Variants in ARHGAP12 observed in about 807,000 individuals in gnomAD.
The protein encoded by ARHGAP12 is Rho GTPase activating protein 12.
ARHGAP12 carries 64 observed loss-of-function variants against 108.6 expected under a neutral mutation model. The ratio of observed to expected loss-of-function variants is 0.59; its 90% CI spans 0.48 to 0.73. ARHGAP12 has a LOEUF of 0.73. Ranked by LOEUF, ARHGAP12 falls within the 30% of genes least tolerant of loss-of-function variation. The probability of loss-of-function intolerance (pLI) is 0.00; values close to 1 mark genes in which losing one functional copy is unlikely to be tolerated. For synonymous variants in ARHGAP12, 312 were observed against 337.2 expected (o/e 0.93, Z 0.82); for missense variants, 940 against 1,005.9 (o/e 0.93, Z 0.89).
At chr10:31,917,895 C>T (rs927679552) in intron 1 of ARHGAP12, among the ~76,000 whole-genome samples, 1 of 152,044 alleles carries the variant, frequency 6.6e-6, no homozygotes, top group Non-Finnish European at 1.5e-5. Flanking sequence ...TCCCAACTTG[C>T]AATGGTTCCA....
chr10:31,839,269 T>C, intron 9 of ARHGAP12, 36 bp downstream of exon 9: 4 of 1,591,584 alleles, frequency 2.5e-6, no homozygotes, highest in Non-Finnish European at 3.4e-6. Flanking sequence ...AATGAAGGTG[T>C]CTATGCCTAT....
intron 12 of ARHGAP12, among the ~76,000 whole-genome samples, chr10:31,818,404 T>A (rs947647488): frequency 6.6e-6 from 1 of 152,170 alleles, no homozygotes; most frequent in Non-Finnish European, 1.5e-5. Flanking sequence ...CACACCCCTT[T>A]TGGGCGGAAG....
intron 4 of ARHGAP12, among the ~76,000 whole-genome samples, chr10:31,859,930 G>A (rs1435344385): frequency 2.0e-5 from 3 of 151,874 alleles, no homozygotes; most frequent in African/African-American, 7.3e-5. Context: ...AAGTAGCTGG[G>A]ATTACAGGTG....
intron 6 of ARHGAP12, among the ~76,000 whole-genome samples, chr10:31,850,781 AGCTAT>A (rs986287351): frequency 6.6e-6 from 1 of 152,154 alleles, no homozygotes; most frequent in Admixed American, 6.5e-5. Context: ...ACAACTGCTA[AGCTAT>A]GGTTCTTCAG....
At chr10:31,875,879 T>C (rs1471682899) in intron 3 of ARHGAP12, among the ~76,000 whole-genome samples, 1 of 152,206 alleles carries the variant, frequency 6.6e-6, no homozygotes, top group East Asian at 1.9e-4. Context: ...ACCACCATTC[T>C]ACTTTCTGTC....
chr10:31,846,964 T>C (rs1019330641), intron 6 of ARHGAP12, among the ~76,000 whole-genome samples: 1 of 148,932 alleles, frequency 6.7e-6, no homozygotes, highest in African/African-American at 2.5e-5. Context: ...AAATAATTTC[T>C]ACTAACCTAT....
intron 12 of ARHGAP12, among the ~76,000 whole-genome samples, chr10:31,818,515 T>TA (rs1351013763): frequency 5.3e-5 from 8 of 152,174 alleles, no homozygotes; most frequent in African/African-American, 1.9e-4. Flanking sequence ...TGTTTTGCAG[T>TA]TTCTTAAACT....
intron 7 of ARHGAP12, among the ~76,000 whole-genome samples, chr10:31,841,496 C>T (rs1836265849): frequency 6.6e-6 from 1 of 152,130 alleles, no homozygotes; most frequent in Non-Finnish European, 1.5e-5. Context: ...CATGATGCTG[C>T]ACAGAGGCAT....
intron 1 of ARHGAP12, among the ~76,000 whole-genome samples, chr10:31,924,615 C>T (rs2132508303): frequency 6.6e-6 from 1 of 152,198 alleles, no homozygotes; most frequent in African/African-American, 2.4e-5. Flanking sequence ...GTACATTACA[C>T]TTTAATAAAA....
intron 1 of ARHGAP12, among the ~76,000 whole-genome samples, chr10:31,927,219 T>C (rs1395068537): frequency 4.9e-5 from 2 of 40,934 alleles, no homozygotes; most frequent in East Asian, 4.7e-4. Flanking sequence ...CTCTGAAACG[T>C]TTCCAAGGCA....
Position 31,838,275 on chromosome 10 carries a change from T to C in ARHGAP12, c.1386+1030A>G, listed in dbSNP as rs1009200871. Among the ~76,000 whole-genome samples, 5 of 151,928 alleles carry C rather than the reference T, an allele frequency of 3.3e-5. No homozygotes were observed. The East Asian group carries it at 5.8e-4, about 18-fold the overall frequency. On this transcript the variant is annotated intron_variant, in intron 9 of 19. Transcript: ENST00000344936. ...AGGAACTGAGAGAAGGGTGGTGTGG[T>C]AGGACAACAAGCAAGAAGGGAAAAG...
At chr10:31,897,905 C>G (rs889120306) in intron 3 of ARHGAP12, among the ~76,000 whole-genome samples, 3 of 152,150 alleles carry the variant, frequency 2.0e-5, no homozygotes, top group South Asian at 4.1e-4. Flanking sequence ...GCAGGCAGAT[C>G]GCTTGCGCCC....
At chr10:31,905,219 G>A (rs914956921) in intron 3 of ARHGAP12, among the ~76,000 whole-genome samples, 2 of 151,944 alleles carry the variant, frequency 1.3e-5, no homozygotes, top group Non-Finnish European at 2.9e-5. Flanking sequence ...AATCTTGTTG[G>A]CTGTGATAAT....
At chr10:31,869,444 G>T (rs1327595505) in intron 3 of ARHGAP12, among the ~76,000 whole-genome samples, 1 of 152,090 alleles carries the variant, frequency 6.6e-6, no homozygotes, top group East Asian at 1.9e-4. Context: ...GGCTGAGGCA[G>T]GAGAATTGCG....
chr10:31,848,357 G>C (rs1254540599), intron 6 of ARHGAP12, among the ~76,000 whole-genome samples: 1 of 152,122 alleles, frequency 6.6e-6, no homozygotes, highest in Non-Finnish European at 1.5e-5. Flanking sequence ...TTGACATGTT[G>C]ATTTATTTTT....
chr10:31,820,655 T>C (rs1038792458), intron 11 of ARHGAP12, among the ~76,000 whole-genome samples, 167 bp from the exon 12 acceptor site: 18 of 150,900 alleles, frequency 1.2e-4, no homozygotes, highest in Non-Finnish European at 1.2e-4. Context: ...TTGAAAAATA[T>C]CTAGAATATA....
rs115864851 is a variant in ARHGAP12 at position 31,877,526 on chromosome 10, T to C, written c.685-15868A>G. Among the ~76,000 whole-genome samples, 1,269 of 152,316 alleles carry C rather than the reference T, an allele frequency of 8.3e-3. 13 individuals are homozygous for C. The highest frequency in any genetic ancestry group is 0.029 in the African/African-American group (1,192 of 41,562). On this transcript the variant is annotated intron_variant, in intron 3 of 19. Transcript: ENST00000344936. Reference sequence around the variant, plus strand: ...TAAAGAACAGCTGGCTAGTAAGCTATTGTACCTGATAAACAGATTATTTTT... The same window carrying C: ...TAAAGAACAGCTGGCTAGTAAGCTACTGTACCTGATAAACAGATTATTTTT...
At chr10:31,914,400 A>G (rs1839474360) in intron 1 of ARHGAP12, among the ~76,000 whole-genome samples, 1 of 152,142 alleles carries the variant, frequency 6.6e-6, no homozygotes, top group Non-Finnish European at 1.5e-5. Flanking sequence ...TACATCTGAC[A>G]AGGGGCTAAC....
intron 1 of ARHGAP12, among the ~76,000 whole-genome samples, chr10:31,927,741 GA>G (rs1193480995): frequency 1.3e-5 from 2 of 152,162 alleles, no homozygotes; most frequent in African/African-American, 2.4e-5. Context: ...CAGTCAAAAG[GA>G]AAACATCACA....
Sources: allele counts gnomAD v4.1 joint callset (sites outside exome capture counted in the v4.1 genomes callset), GRCh38; gene constraint gnomAD v4.1.1; transcripts MANE v1.5; gene names NCBI Gene and HGNC (gene_info 2026-07-23, HGNC 2026-07-21).